Variants in HCN1 observed in about 807,000 individuals in gnomAD.
HCN1 encodes the protein hyperpolarization activated cyclic nucleotide gated potassium channel 1.
A neutral mutation model predicts 78.9 loss-of-function variants in HCN1; 13 were observed. The ratio of observed to expected loss-of-function variants is 0.16; its 90% CI spans 0.11 to 0.26. HCN1 has a LOEUF of 0.26. HCN1 is among the 10% of genes least tolerant of loss of function. The pLI is 1.00. For missense variants in HCN1, 810 were observed against 1,154.3 expected (o/e 0.70, Z 4.32); for synonymous variants, 552 against 455.5 (o/e 1.21, Z -2.70).
intron 6 of HCN1, among the ~76,000 whole-genome samples, chr5:45,275,019 G>T (rs898126107): frequency 6.6e-6 from 1 of 152,152 alleles, no homozygotes; most frequent in Admixed American, 6.6e-5. Flanking sequence ...GCCGAGGGGG[G>T]CAGATCACTT....
intron 4 of HCN1, among the ~76,000 whole-genome samples, chr5:45,385,890 A>T (rs573331135): frequency 5.3e-4 from 80 of 152,278 alleles, no homozygotes; most frequent in Admixed American, 1.6e-3. Flanking sequence ...AGCACATGGG[A>T]CCCAATCCTC....
intron 2 of HCN1, among the ~76,000 whole-genome samples, chr5:45,632,272 T>C (rs569549186): frequency 1.3e-5 from 2 of 151,314 alleles, no homozygotes; most frequent in South Asian, 4.2e-4. Context: ...CCAATGCTAA[T>C]GTTCCATTGT....
At chr5:45,602,471 C>T (rs1250520569) in intron 2 of HCN1, among the ~76,000 whole-genome samples, 1 of 152,078 alleles carries the variant, frequency 6.6e-6, no homozygotes, top group Non-Finnish European at 1.5e-5. Context: ...ACATCTTTAT[C>T]TTGAACTTTT....
At chr5:45,524,378 T>A (rs1013489219) in intron 2 of HCN1, among the ~76,000 whole-genome samples, 1 of 152,150 alleles carries the variant, frequency 6.6e-6, no homozygotes, top group African/African-American at 2.4e-5. Context: ...TTTAAAGTAG[T>A]TTTTTCCAAT....
intron 6 of HCN1, among the ~76,000 whole-genome samples, chr5:45,283,213 T>C (rs1244926251): frequency 6.6e-6 from 1 of 152,110 alleles, no homozygotes; most frequent in Non-Finnish European, 1.5e-5. Context: ...TATGAAATAC[T>C]ATTCTTGATA....
In HCN1 at chr5:45,599,401, G is replaced by T. The variant is rs974781915; in HGVS notation, c.849+45784C>A. On this transcript the variant is annotated intron_variant, in intron 2 of 7. Transcript: ENST00000303230. Reference sequence around the variant, plus strand: ...ATGGCGGGGAACATCACACAGCAAGGCATGTCAGGGGGTGGGGGCTGGGGG... The same window carrying T: ...ATGGCGGGGAACATCACACAGCAAGTCATGTCAGGGGGTGGGGGCTGGGGG... Among the ~76,000 whole-genome samples the T allele has an allele frequency of 2.7e-5, 4 of 150,136 alleles. No individual in the cohort carries two copies. In the South Asian group the frequency reaches 6.4e-4, roughly 24 times the overall value.
chr5:45,525,267 A>G (rs1157671010), intron 2 of HCN1, among the ~76,000 whole-genome samples: 1 of 152,034 alleles, frequency 6.6e-6, no homozygotes, highest in Admixed American at 6.6e-5. Flanking sequence ...ATGAACACTT[A>G]GTATCCTAAT....
chr5:45,506,523 T>A (rs937098804), intron 2 of HCN1, among the ~76,000 whole-genome samples: 2 of 152,062 alleles, frequency 1.3e-5, no homozygotes, highest in African/African-American at 4.8e-5. Flanking sequence ...ATAAAAAATT[T>A]AAAAATGCAA....
At chr5:45,457,950 A>AGG (rs1741060876) in intron 3 of HCN1, among the ~76,000 whole-genome samples, 1 of 152,180 alleles carries the variant, frequency 6.6e-6, no homozygotes, top group South Asian at 2.1e-4. Context: ...ACATGAAGTT[A>AGG]GGGGGATACA....
At chr5:45,320,361 T>C (rs535014452) in intron 5 of HCN1, among the ~76,000 whole-genome samples, 1 of 152,006 alleles carries the variant, frequency 6.6e-6, no homozygotes, top group East Asian at 1.9e-4. Flanking sequence ...GCAGTTGGTA[T>C]GTTTAGGGAG....
intron 1 of HCN1, among the ~76,000 whole-genome samples, chr5:45,651,158 T>C (rs1372537885): frequency 6.6e-6 from 1 of 151,998 alleles, no homozygotes; most frequent in African/African-American, 2.4e-5. Flanking sequence ...TTATCTACAG[T>C]TGAAGTCAAA....
At chr5:45,445,808 C>T (rs1740781766) in intron 3 of HCN1, among the ~76,000 whole-genome samples, 1 of 152,186 alleles carries the variant, frequency 6.6e-6, no homozygotes, top group African/African-American at 2.4e-5. Context: ...CAAACTCCAA[C>T]AGACCTGCAG....
In HCN1 at chr5:45,684,029, G is replaced by A. The variant is rs111793731; in HGVS notation, c.425+11640C>T. Among the ~76,000 whole-genome samples, 985 of 152,120 alleles carry A rather than the reference G, an allele frequency of 6.5e-3. 4 individuals carry two copies. The highest frequency in any genetic ancestry group is 0.023 in the African/African-American group (950 of 41,492). On this transcript the variant is annotated intron_variant, in intron 1 of 7. Transcript: ENST00000303230. ...AAGCAAAAGTCTCTATCTTTGAATCGTCCATACACTGTTTTTAGTGTCTCT... is the reference window on the plus strand; with the variant it reads ...AAGCAAAAGTCTCTATCTTTGAATCATCCATACACTGTTTTTAGTGTCTCT...
chr5:45,416,589 T>TA (rs2112062094), intron 3 of HCN1, among the ~76,000 whole-genome samples: 1 of 152,056 alleles, frequency 6.6e-6, no homozygotes, highest in Non-Finnish European at 1.5e-5. Flanking sequence ...AATAAGTGCT[T>TA]ATAGATTTGG....
At chr5:45,549,478 C>G (rs1308238547) in intron 2 of HCN1, among the ~76,000 whole-genome samples, 1 of 152,152 alleles carries the variant, frequency 6.6e-6, no homozygotes, top group Non-Finnish European at 1.5e-5. Flanking sequence ...CTTCCATACA[C>G]CTTATACAAA....
At chr5:45,556,146 G>A (rs1016465284) in intron 2 of HCN1, among the ~76,000 whole-genome samples, 15 of 151,918 alleles carry the variant, frequency 9.9e-5, no homozygotes, top group Non-Finnish European at 4.4e-5. Flanking sequence ...ACATTGGACT[G>A]GGAAAAGATT....
At chr5:45,492,023 C>A (rs1003074726) in intron 2 of HCN1, among the ~76,000 whole-genome samples, 1 of 152,034 alleles carries the variant, frequency 6.6e-6, no homozygotes, top group Non-Finnish European at 1.5e-5. Flanking sequence ...ATTTGTCCAA[C>A]CTCATCTAAA....
At chr5:45,490,099 A>G (rs10462089) in intron 2 of HCN1, among the ~76,000 whole-genome samples, 16 of 152,210 alleles carry the variant, frequency 1.1e-4, no homozygotes, top group African/African-American at 3.6e-4. Context: ...CAGGTGAAAC[A>G]TGTTAAAAAG....
chr5:45,660,557 C>G (rs1227367967), intron 1 of HCN1, among the ~76,000 whole-genome samples: 1 of 151,778 alleles, frequency 6.6e-6, no homozygotes, highest in Non-Finnish European at 1.5e-5. Flanking sequence ...TTCAGGAAAC[C>G]CATCTCATGT....
Sources: gnomAD v4.1 joint callset for allele counts (sites outside exome capture counted in the v4.1 genomes callset) on GRCh38, gnomAD v4.1.1 for gene constraint, MANE v1.5 for transcripts, NCBI Gene and HGNC (gene_info 2026-07-23, HGNC 2026-07-21) for gene names.